ADAM23: variants seen among roughly 807,000 people sequenced by gnomAD.
ADAM23 encodes disintegrin and metalloproteinase domain-containing protein 23.
A neutral mutation model predicts 120.1 loss-of-function variants in ADAM23; 33 were observed. The ratio of observed to expected loss-of-function variants is 0.27; its 90% CI spans 0.21 to 0.37. The LOEUF (loss-of-function observed/expected upper bound fraction) is 0.37, where lower values mean the gene tolerates loss of function less well. Ranked by LOEUF, ADAM23 falls within the 10% of genes least tolerant of loss-of-function variation. The pLI, the probability that ADAM23 is intolerant of heterozygous loss-of-function variation, is 1.00. For synonymous variants in ADAM23, 367 were observed against 375.2 expected (o/e 0.98, Z 0.25); for missense variants, 862 against 1,058.2 (o/e 0.81, Z 2.57).
At chr2:206,458,942 G>A (rs1465694785) in intron 2 of ADAM23, among the ~76,000 whole-genome samples, 2 of 152,162 alleles carry the variant, frequency 1.3e-5, no homozygotes, top group African/African-American at 2.4e-5. Context: ...AGAAATATCA[G>A]ACATAAATTC....
chr2:206,449,492 G>T (rs1381446289), intron 2 of ADAM23, among the ~76,000 whole-genome samples: 1 of 152,214 alleles, frequency 6.6e-6, no homozygotes, highest in African/African-American at 2.4e-5. Flanking sequence ...GTCCTGCTGG[G>T]CGTGGTGGCT....
chr2:206,481,407 A>G (rs1695893776), intron 3 of ADAM23, 99 bp downstream of exon 3: 3 of 812,064 alleles, frequency 3.7e-6, no homozygotes, highest in Non-Finnish European at 5.6e-6. Context: ...TTTAACAACT[A>G]TTTTCTAGCA....
intron 4 of ADAM23, among the ~76,000 whole-genome samples, chr2:206,536,643 T>A (rs553719410): frequency 6.6e-6 from 1 of 152,306 alleles, no homozygotes; most frequent in East Asian, 1.9e-4. Context: ...ACATGTTAAT[T>A]TGATTGACTA....
At chr2:206,533,723 C>T (rs1019122756) in intron 4 of ADAM23, among the ~76,000 whole-genome samples, 2 of 152,208 alleles carry the variant, frequency 1.3e-5, no homozygotes. Context: ...CTCTCTCATT[C>T]TTACTTCTCA....
At chr2:206,470,517 A>G (rs145043681) in intron 2 of ADAM23, among the ~76,000 whole-genome samples, 16 of 152,314 alleles carry the variant, frequency 1.1e-4, no homozygotes, top group African/African-American at 3.8e-4. Context: ...ACGTATCAAT[A>G]TTAGCTTTTC....
At chr2:206,471,463 G>T (rs1194529007) in intron 2 of ADAM23, among the ~76,000 whole-genome samples, 2 of 152,044 alleles carry the variant, frequency 1.3e-5, no homozygotes, top group African/African-American at 4.8e-5. Flanking sequence ...CCTTAAGGAG[G>T]GTTGCCTCAC....
At chr2:206,557,620 C>A in intron 10 of ADAM23, 122 bp downstream of exon 10, 1 of 904,738 alleles carries the variant, frequency 1.1e-6, no homozygotes, top group Non-Finnish European at 1.8e-6. Flanking sequence ...GCTCATCTGG[C>A]TAAGGAATTA....
At chr2:206,461,732 A>G (rs1695424176) in intron 2 of ADAM23, among the ~76,000 whole-genome samples, 1 of 152,136 alleles carries the variant, frequency 6.6e-6, no homozygotes, top group Non-Finnish European at 1.5e-5. Flanking sequence ...AGTAAAAGGC[A>G]TTTGGGTATT....
intron 3 of ADAM23, among the ~76,000 whole-genome samples, chr2:206,512,897 A>C (rs1216234352): frequency 6.6e-6 from 1 of 152,070 alleles, no homozygotes; most frequent in African/African-American, 2.4e-5. Flanking sequence ...AGACTTTTTC[A>C]TTATTATTTA....
At position 206,520,074 on chromosome 2, in the gene ADAM23, G is replaced by A. The variant is rs1250612735; in HGVS notation, c.510-10811G>A. 4.6e-5 allele frequency among the ~76,000 whole-genome samples: 7 copies of A among 152,130 alleles called. No individual in the cohort carries two copies. In the East Asian group the frequency reaches 1.3e-3, roughly 29 times the overall value. On this transcript the variant is annotated intron_variant, in intron 3 of 25. Transcript: ENST00000264377. ...ATCTCTAAAGATTCCTGTGTTATAT[G>A]TATGAAGGGTACCATGATTGCACAG...
At chr2:206,515,302 G>A (rs1696707101) in intron 3 of ADAM23, among the ~76,000 whole-genome samples, 1 of 152,176 alleles carries the variant, frequency 6.6e-6, no homozygotes, top group Non-Finnish European at 1.5e-5. Flanking sequence ...GTGATTGAAA[G>A]CAAGATCTGT....
chr2:206,481,937 CAAAT>C (rs1165257009), intron 3 of ADAM23, among the ~76,000 whole-genome samples: 2 of 152,134 alleles, frequency 1.3e-5, no homozygotes, highest in Non-Finnish European at 2.9e-5. Context: ...TCTTCAGCCT[CAAAT>C]AGATCTAGCA....
intron 3 of ADAM23, among the ~76,000 whole-genome samples, chr2:206,483,875 C>G (rs545174915): frequency 4.6e-5 from 7 of 152,080 alleles, no homozygotes; most frequent in Admixed American, 1.3e-4. Context: ...GATGTGGAGG[C>G]AGCAAATATC....
chr2:206,599,482 A>G (rs560923894), intron 24 of ADAM23, among the ~76,000 whole-genome samples: 5 of 152,320 alleles, frequency 3.3e-5, no homozygotes, highest in East Asian at 1.9e-4. Flanking sequence ...ATAGCTATCT[A>G]TATCTTTTTA....
At chr2:206,542,936 G>T (rs1489930706) in intron 5 of ADAM23, among the ~76,000 whole-genome samples, 1 of 152,176 alleles carries the variant, frequency 6.6e-6, no homozygotes, top group Admixed American at 6.5e-5. Flanking sequence ...TTTAGAGACT[G>T]CCACTGAGTG....
intron 2 of ADAM23, among the ~76,000 whole-genome samples, chr2:206,471,698 A>G (rs747447879): frequency 2.0e-5 from 3 of 152,172 alleles, no homozygotes; most frequent in Non-Finnish European, 4.4e-5. Context: ...GTTAGCAGAG[A>G]GAGAAGTGTT....
intron 2 of ADAM23, among the ~76,000 whole-genome samples, chr2:206,454,079 A>G (rs1164783831): frequency 6.6e-6 from 1 of 152,250 alleles, no homozygotes; most frequent in African/African-American, 2.4e-5. Flanking sequence ...CAGTGAACCA[A>G]AGTGTAAATA....
intron 3 of ADAM23, among the ~76,000 whole-genome samples, chr2:206,511,760 A>G (rs1696628043): frequency 6.6e-6 from 1 of 152,076 alleles, no homozygotes; most frequent in South Asian, 2.1e-4. Flanking sequence ...AAATTGGACT[A>G]ATTTCTTTCT....
Position 206,548,335 on chromosome 2 carries a change from GA to G in ADAM23, c.850del (p.Arg284GlyfsTer5). On this transcript the variant is annotated frameshift_variant, in exon 8 of 26. Transcript: ENST00000264377. LOFTEE classifies it high-confidence loss of function. The stretch of plus-strand genomic sequence containing the variant: ...CTCTCTGAATTACAGTGGTTGAAAA[GA>G]AGGAAGAGAGCAGTGAATGTGAGTG... Reference protein sequence around the residue: ...PFLSELQWLKRRKRAVNPSRG... With the variant: ...PFLSELQWLKXRKRAVNPSRG... The G allele has an allele frequency of 6.2e-7, 1 of 1,610,402 alleles. No homozygotes were observed.
Sources: allele counts gnomAD v4.1 joint callset (sites outside exome capture counted in the v4.1 genomes callset), GRCh38; gene constraint gnomAD v4.1.1; transcripts MANE v1.5; gene names NCBI Gene and HGNC (gene_info 2026-07-23, HGNC 2026-07-21).